Variants in MREG observed in about 807,000 individuals in gnomAD.
MREG encodes the protein dilute suppressor protein homolog.
MREG carries 31 observed loss-of-function variants against 28.5 expected under a neutral mutation model. That is an observed-to-expected ratio of 1.09 (90% CI 0.82 to 1.47). MREG has a LOEUF of 1.47. MREG is among the 40% of genes most tolerant of loss of function. The pLI is 0.00. For missense variants in MREG, 256 were observed against 257.4 expected (o/e 0.99, Z 0.04); for synonymous variants, 106 against 95.2 (o/e 1.11, Z -0.66).
At chr2:215,990,722 C>CA (rs774172071) in intron 2 of MREG, among the ~76,000 whole-genome samples, 1 of 151,606 alleles carries the variant, frequency 6.6e-6, no homozygotes, top group African/African-American at 2.4e-5. Flanking sequence ...AAATGGAAAG[C>CA]AAAAAAAGCA....
Position 216,005,444 on chromosome 2 carries a change from C to CTTT in MREG, c.95+7786_95+7788dup, listed in dbSNP as rs58288878. On this transcript the variant is annotated intron_variant, in intron 1 of 4. Coordinates refer to ENST00000263268, the MANE Select transcript of MREG (RefSeq NM_018000.3). ...CACGAGTATTCACTTTCTAGTTATT[C>CTTT]TTTTTTTTTTTTTTTTTTTTTTTTT... Among the ~76,000 whole-genome samples, 734 of 86,262 alleles carry CTTT rather than the reference C, an allele frequency of 8.5e-3. 27 individuals are homozygous for CTTT. Among genetic ancestry groups the CTTT allele is most frequent in the Non-Finnish European group, 0.012 (506 of 41,428 alleles). 56.6% of individuals were successfully genotyped at this position (86,262 alleles called of 152,430 possible).
intron 2 of MREG, among the ~76,000 whole-genome samples, chr2:215,991,722 G>A (rs571899998): frequency 2.0e-5 from 3 of 152,186 alleles, no homozygotes; most frequent in African/African-American, 7.2e-5. Context: ...GATCACCACC[G>A]ATCCCACAGA....
At chr2:216,005,517 T>C (rs997924459) in intron 1 of MREG, among the ~76,000 whole-genome samples, 2 of 140,068 alleles carry the variant, frequency 1.4e-5, no homozygotes, top group Admixed American at 1.7e-4. Context: ...AGTGGCACAG[T>C]CTTGGCTCAC....
chr2:216,011,501 G>A (rs990678625), intron 1 of MREG, among the ~76,000 whole-genome samples: 3 of 152,156 alleles, frequency 2.0e-5, no homozygotes, highest in African/African-American at 7.2e-5. Context: ...TTTGAAGTAT[G>A]TACTATTATC....
At chr2:215,972,894 C>A (rs1455021886) in intron 2 of MREG, among the ~76,000 whole-genome samples, 1 of 152,168 alleles carries the variant, frequency 6.6e-6, no homozygotes, top group Non-Finnish European at 1.5e-5. Flanking sequence ...GCCATTCACA[C>A]CCCTCACTGA....
In MREG at chr2:215,944,226, C is replaced by A. The variant is rs1692261545; in HGVS notation, c.*637G>T. ...AACTCCTGACCTCATGATCCACCCA[C>A]CTTGGCCTCCCAAAGTGCTGGGATT... is the stretch of plus-strand genomic sequence containing the variant. On this transcript the variant is annotated 3_prime_UTR_variant, in exon 5 of 5. Transcript: ENST00000263268. The A allele has an allele frequency of 6.6e-6, 1 of 152,162 alleles. No homozygotes were observed. The highest frequency in any genetic ancestry group is 2.1e-4 in the South Asian group (1 of 4,828). The allele number at this position is 152,162 out of a possible 1,614,324, so 9.4% of individuals were successfully genotyped here.
chr2:216,013,698 G>A (rs1694379682), upstream of MREG: 3 of 152,424 alleles, frequency 2.0e-5, no homozygotes, highest in South Asian at 6.2e-4. Context: ...CTGGCAGCCG[G>A]GCTGGGGGAG....
downstream of MREG, chr2:215,941,771 C>T (rs1188732878): frequency 6.6e-6 from 1 of 152,220 alleles, no homozygotes; most frequent in African/African-American, 2.4e-5. Context: ...TCATTTTAGA[C>T]TTATTTTGCT....
intron 2 of MREG, among the ~76,000 whole-genome samples, chr2:215,994,610 GGA>G (rs1693812126): frequency 6.7e-6 from 1 of 149,356 alleles, no homozygotes; most frequent in Non-Finnish European, 1.5e-5. Flanking sequence ...GAGAAGAAGA[GGA>G]AGAAGAAGAG....
At chr2:215,991,260 T>C (rs947420423) in intron 2 of MREG, among the ~76,000 whole-genome samples, 4 of 152,158 alleles carry the variant, frequency 2.6e-5, no homozygotes, top group African/African-American at 7.2e-5. Context: ...CAAAACTACA[T>C]GGAAACTGAA....
chr2:215,949,069 C>CTAATAA lies in MREG; in HGVS notation c.256-1957_256-1956insTTATTA, dbSNP rs1491145476. On this transcript the variant is annotated intron_variant, in intron 2 of 4. Coordinates refer to ENST00000263268, the MANE Select transcript of MREG (RefSeq NM_018000.3). ...ACTACTACTACTACTACTACTACTA[C>CTAATAA]TACTACTACTACTACTACTAATAAT... Among the ~76,000 whole-genome samples the CTAATAA allele has an allele frequency of 1.2e-3, 157 of 131,068 alleles. 2 individuals carry two copies. In the East Asian group the frequency reaches 0.019, roughly 15 times the overall value. The allele number at this position is 131,068 out of a possible 152,430, so 86.0% of individuals were successfully genotyped here. A position where few individuals can be genotyped will look rare whatever the true frequency, so the allele number is the denominator to read the frequency against.
chr2:216,002,329 C>A (rs1694037419), intron 1 of MREG, among the ~76,000 whole-genome samples: 1 of 152,204 alleles, frequency 6.6e-6, no homozygotes, highest in African/African-American at 2.4e-5. Context: ...CTGCAAAGTG[C>A]TAGTCAGCAT....
chr2:216,024,832 G>A (rs1363442117), intron 1 of MREG, among the ~76,000 whole-genome samples: 3 of 149,188 alleles, frequency 2.0e-5, no homozygotes, highest in South Asian at 4.2e-4. Context: ...GCAGTAAGCC[G>A]AGATCACGCC....
chr2:216,012,597 A>T (rs564259715), intron 1 of MREG, among the ~76,000 whole-genome samples: 109 of 152,336 alleles, frequency 7.2e-4, no homozygotes, highest in Non-Finnish European at 1.3e-3. Flanking sequence ...TTAAAATCAC[A>T]GCCCTGAACA....
intron 2 of MREG, among the ~76,000 whole-genome samples, chr2:215,947,636 A>G (rs6757115): frequency 0.82 from 124,765 of 152,174 alleles, 51,541 homozygotes; most frequent in African/African-American, 0.92. Context: ...CATAAGAAAC[A>G]GACACACACA....
At chr2:215,954,132 A>G (rs1692555496) in intron 2 of MREG, among the ~76,000 whole-genome samples, 1 of 152,216 alleles carries the variant, frequency 6.6e-6, no homozygotes, top group South Asian at 2.1e-4. Flanking sequence ...ATGTTGCTAT[A>G]ACAAAGGAAA....
At chr2:215,980,000 C>A (rs972956494) in intron 2 of MREG, among the ~76,000 whole-genome samples, 1 of 145,446 alleles carries the variant, frequency 6.9e-6, no homozygotes, top group Non-Finnish European at 1.5e-5. Context: ...ACAAAAAAAA[C>A]TAATGGAAAG....
At chr2:215,986,285 T>G (rs34510628) in intron 2 of MREG, among the ~76,000 whole-genome samples, 12,898 of 152,282 alleles carry the variant, frequency 0.085, 588 homozygotes, top group Non-Finnish European at 0.09. Context: ...TTTGAAAAAT[T>G]AAAAATTCCA....
intron 2 of MREG, among the ~76,000 whole-genome samples, chr2:215,959,173 C>T (rs114875966): frequency 0.016 from 2,473 of 152,220 alleles, 30 homozygotes; most frequent in Middle Eastern, 0.027. Context: ...TAGATAATTT[C>T]CCCTAATGCC....
Sources: gnomAD v4.1 joint callset for allele counts (sites outside exome capture counted in the v4.1 genomes callset) on GRCh38, gnomAD v4.1.1 for gene constraint, MANE v1.5 for transcripts, NCBI Gene and HGNC (gene_info 2026-07-23, HGNC 2026-07-21) for gene names.